The following SLC16A1 variants were observed in gnomAD, a reference collection of about 807,000 sequenced individuals.
The protein encoded by SLC16A1 is monocarboxylate transporter 1.
Under a neutral mutation model 32.2 loss-of-function variants are expected in SLC16A1, and 11 were observed. The observed-to-expected ratio is 0.34, with a 90% confidence interval of 0.21 to 0.56. SLC16A1 has a LOEUF of 0.56. Ranked by LOEUF, SLC16A1 falls within the 20% of genes least tolerant of loss-of-function variation. SLC16A1 has a pLI of 0.87. For synonymous variants in SLC16A1, 231 were observed against 226.8 expected, an observed-to-expected ratio of 1.02 and a Z score of -0.17; for missense variants, 435 against 615.0, an observed-to-expected ratio of 0.71 and a Z score of 3.10.
At chr1:112,916,976 T>C in intron 4 of SLC16A1, 1 of 697,628 alleles carries the variant, frequency 1.4e-6, no homozygotes, top group Non-Finnish European at 2.5e-6. Context: ...TTGATCCCCC[T>C]TTTGCCTTGA....
intron 1 of SLC16A1, among the ~76,000 whole-genome samples, chr1:112,932,227 A>G (rs944743144): frequency 1.3e-5 from 2 of 152,176 alleles, no homozygotes; most frequent in African/African-American, 4.8e-5. Flanking sequence ...AAAAGGCATA[A>G]AGAATGGAAA....
chr1:112,914,946 A>C (rs1046458638), intron 4 of SLC16A1, among the ~76,000 whole-genome samples: 9 of 152,360 alleles, frequency 5.9e-5, no homozygotes, highest in South Asian at 2.1e-4. Flanking sequence ...TTGGTCATGT[A>C]ACTTTCATTA....
rs606231300 is a variant in SLC16A1 at position 112,917,820 on chromosome 1, G to A, written c.586C>T (p.Arg196Ter). 1.9e-6 allele frequency: 3 copies of A among 1,614,114 alleles called. No individual in the cohort carries two copies. The highest frequency in any genetic ancestry group is 2.5e-6 in the Non-Finnish European group (3 of 1,180,024). Reference sequence around the variant, plus strand: ...TTGGTTGGCTTGGGCCCGATTGGTCGCATGAGGGCTCCAGCAACACAGCAG... The same window carrying A: ...TTGGTTGGCTTGGGCCCGATTGGTCACATGAGGGCTCCAGCAACACAGCAG... ...LNCCVAGALM[R>*]PIGPKPTKAG... is the part of the protein sequence containing the mutation. Residue 196 changes from arginine to a stop codon, truncating the protein, a stop_gained, in exon 4 of 5, where the codon CGA (arginine) becomes TGA (stop). Transcript: ENST00000369626. LOFTEE classifies it high-confidence loss of function. This position sits in a 1 kb window ranked among gnomAD's most constrained non-coding sequence, Gnocchi z 4.1.
In SLC16A1 at chr1:112,929,159, T is replaced by C. The variant is rs1489853979; in HGVS notation, c.150A>G (p.Ile50Met). Residue 50 changes from isoleucine (I) to methionine (M), a missense_variant, in exon 2 of 5, where the codon ATA (isoleucine) becomes ATG (methionine). Coordinates refer to ENST00000369626, the MANE Select transcript of SLC16A1 (RefSeq NM_003051.4). ...ACACTTCGCTGGTGGTGGCATGGAA[T>C]ATACCTTCAATCTCTTTGAAGAAGA... is the stretch of plus-strand genomic sequence containing the variant. The part of the protein sequence containing the change: ...ITVFFKEIEG[I>M]FHATTSEVSW... The C allele has an allele frequency of 1.9e-6, 3 of 1,614,124 alleles. No homozygotes were observed. Among genetic ancestry groups the C allele is most frequent in the South Asian group, 1.1e-5 (1 of 91,080 alleles).
At chr1:112,915,559 T>C (rs1294629691) in intron 4 of SLC16A1, among the ~76,000 whole-genome samples, 2 of 152,162 alleles carry the variant, frequency 1.3e-5, no homozygotes, top group African/African-American at 4.8e-5. Context: ...TTAAGAAATC[T>C]TGAAGAGTTC....
At chr1:112,922,156 G>A (rs1179498159) in intron 2 of SLC16A1, 23 bp from the exon 3 acceptor site, 1 of 1,611,164 alleles carries the variant, frequency 6.2e-7, no homozygotes, top group Non-Finnish European at 8.5e-7. Flanking sequence ...CAAAAATGTA[G>A]TAATATAAAG....
intron 4 of SLC16A1, among the ~76,000 whole-genome samples, chr1:112,916,848 G>A (rs961485287): frequency 3.9e-5 from 6 of 152,062 alleles, no homozygotes; most frequent in Non-Finnish European, 7.4e-5. Flanking sequence ...GGAATCGCTT[G>A]AACCTGGGAG....
chr1:112,923,946 C>T (rs1648833989), intron 2 of SLC16A1: 1 of 1,515,650 alleles, frequency 6.6e-7, no homozygotes, highest in African/African-American at 1.4e-5. Flanking sequence ...CTTCAACCCT[C>T]TGGCTGGGGA....
chr1:112,922,311 T>A (rs1163951615), intron 2 of SLC16A1, 178 bp from the exon 3 acceptor site: 3 of 640,042 alleles, frequency 4.7e-6, no homozygotes, highest in East Asian at 5.5e-5. Context: ...TTAGAAAACA[T>A]AATTAATTGT....
intron 1 of SLC16A1, among the ~76,000 whole-genome samples, chr1:112,938,303 C>T (rs1172576683): frequency 3.3e-5 from 5 of 152,112 alleles, no homozygotes; most frequent in Non-Finnish European, 5.9e-5. Context: ...AAGTAGATAA[C>T]CTGTTGTTCT....
At chr1:112,950,974 G>A (rs1237980364) in intron 1 of SLC16A1, among the ~76,000 whole-genome samples, 1 of 151,934 alleles carries the variant, frequency 6.6e-6, no homozygotes, top group African/African-American at 2.4e-5. Context: ...TCCAGCCTGG[G>A]CGACAGAGTG....
intron 2 of SLC16A1, 151 bp downstream of exon 2, chr1:112,928,941 T>G (rs988675981): frequency 1.6e-6 from 1 of 645,004 alleles, no homozygotes; most frequent in Admixed American, 2.7e-5. Flanking sequence ...TTATCAGGAA[T>G]GAAAAATGTG....
chr1:112,929,436 G>A (rs768043005), intron 1 of SLC16A1, 84 bp from the exon 2 acceptor site: 29 of 793,164 alleles, frequency 3.7e-5, no homozygotes, highest in East Asian at 2.7e-4. Context: ...ATAGCCAATC[G>A]TGGTGGATCA....
At chr1:112,914,586 A>G (rs1648437776) in intron 4 of SLC16A1, among the ~76,000 whole-genome samples, 1 of 152,224 alleles carries the variant, frequency 6.6e-6, no homozygotes. Flanking sequence ...TCCTGTAAAC[A>G]CTTGTCCAGT....
At chr1:112,938,039 A>G (rs566506490) in intron 1 of SLC16A1, among the ~76,000 whole-genome samples, 1 of 152,274 alleles carries the variant, frequency 6.6e-6, no homozygotes, top group African/African-American at 2.4e-5. Context: ...CCCCACTCCC[A>G]AAGAGAAGAG....
At chr1:112,955,725 G>C (rs533093707) in intron 1 of SLC16A1, 3 of 152,224 alleles carry the variant, frequency 2.0e-5, no homozygotes, top group Non-Finnish European at 4.4e-5. Flanking sequence ...GAAGACTTAG[G>C]GGGGAAGGGA....
rs1649783286 is a variant in SLC16A1, at chr1:112,948,599, G to C, written c.-45+7436C>G. Among the ~76,000 whole-genome samples, 4 of 151,988 alleles carry C rather than the reference G, an allele frequency of 2.6e-5. No homozygotes were observed. The South Asian group carries it at 8.3e-4, about 32-fold the overall frequency. On this transcript the variant is annotated intron_variant, in intron 1 of 4. Transcript: ENST00000369626. ...GCTCAATGCAACCTCCGTCTCCCGG[G>C]TTCAAGCAGTTCTCTTGCCTCAGCC...
intron 1 of SLC16A1, among the ~76,000 whole-genome samples, chr1:112,939,193 C>T (rs1245771386): frequency 6.6e-6 from 1 of 151,914 alleles, no homozygotes; most frequent in East Asian, 1.9e-4. Context: ...GCCCGGCCAA[C>T]GTATTTCTTT....
intron 1 of SLC16A1, among the ~76,000 whole-genome samples, chr1:112,951,285 A>C (rs1649882364): frequency 6.6e-6 from 1 of 151,918 alleles, no homozygotes; most frequent in South Asian, 2.1e-4. Flanking sequence ...GATTGGCACC[A>C]ACTGCATGTG....
Sources: allele counts gnomAD v4.1 joint callset (sites outside exome capture counted in the v4.1 genomes callset), GRCh38; gene constraint gnomAD v4.1.1; non-coding constraint Gnocchi (gnomAD v3.1); transcripts MANE v1.5; gene names NCBI Gene and HGNC (gene_info 2026-07-23, HGNC 2026-07-21).